The following ZNF93 variants were observed in gnomAD, a reference collection of about 807,000 sequenced individuals.
ZNF93 encodes zinc finger protein 505.
In ZNF93, 29 loss-of-function variants were observed where a neutral mutation model predicts 45.0. The observed-to-expected ratio is 0.64, with a 90% CI of 0.48 to 0.88. ZNF93 has a LOEUF of 0.88. Ranked by LOEUF, ZNF93 falls within the 40% of genes least tolerant of loss-of-function variation. The probability of loss-of-function intolerance (pLI) is 0.00; values close to 1 mark genes in which losing one functional copy is unlikely to be tolerated. For missense variants in ZNF93, 578 were observed against 724.0 expected (o/e 0.80, Z 2.31); for synonymous variants, 223 against 244.6 (o/e 0.91, Z 0.82).
intron 2 of ZNF93, 122 bp from the exon 3 acceptor site, chr19:19,916,437 TA>T (rs2122175819): frequency 1.3e-6 from 1 of 780,168 alleles, no homozygotes; most frequent in Non-Finnish European, 2.0e-6. Context: ...ATTTCTGTTA[TA>T]AATTTGTATT....
intron 1 of ZNF93, among the ~76,000 whole-genome samples, chr19:19,913,517 G>A (rs997891061): frequency 3.3e-5 from 5 of 152,130 alleles, no homozygotes; most frequent in Non-Finnish European, 7.3e-5. Flanking sequence ...GGTTTGGTAG[G>A]GACAGGTAAG....
chr19:19,903,007 G>A lies in ZNF93; in HGVS notation c.3+1916G>A, dbSNP rs191254741. ...ACCCGCCTCGGCCTCCCAAAGTGCT[G>A]GGATTACAGGCGTGAGCCACCGCGC... is the stretch of plus-strand genomic sequence containing the variant. On this transcript the variant is annotated intron_variant, in intron 1 of 3. Transcript: ENST00000343769. 2.6e-4 allele frequency among the ~76,000 whole-genome samples: 40 copies of A among 152,260 alleles called. 1 individual carries two copies. In the East Asian group the frequency reaches 4.8e-3, roughly 18 times the overall value.
At chr19:19,908,654 C>G (rs909882925) in intron 1 of ZNF93, 5 of 151,918 alleles carry the variant, frequency 3.3e-5, no homozygotes, top group African/African-American at 1.2e-4. Context: ...ACCAGCCTGA[C>G]CAACATGGAG....
rs1233504835 is a variant in ZNF93 at position 19,935,214 on chromosome 19, C to G, written c.*396C>G. ...AAAACATGCCCTAGTGTCTGCCGTA[C>G]AGAGTGAAGTCCTGAAGGATATTTA... On this transcript the variant is annotated 3_prime_UTR_variant, in exon 4 of 4. Coordinates refer to ENST00000343769, the MANE Select transcript of ZNF93 (RefSeq NM_031218.4). 6 of 191,958 alleles carry G rather than the reference C, an allele frequency of 3.1e-5. No homozygotes were observed. The East Asian group carries it at 5.6e-4, about 18-fold the overall frequency. 11.9% of individuals were successfully genotyped at this position (191,958 alleles called of 1,614,324 possible). A position where few individuals can be genotyped will look rare whatever the true frequency, so the allele number is the denominator to read the frequency against.
chr19:19,934,838 A>G lies in ZNF93; in HGVS notation c.*20A>G, dbSNP rs774628618. On this transcript the variant is annotated 3_prime_UTR_variant, in exon 4 of 4. Coordinates refer to ENST00000343769, the MANE Select transcript of ZNF93 (RefSeq NM_031218.4). Reference sequence around the variant, plus strand: ...CCCTAGAAGTGTGAAGAATGTGGCAAAGCCTTCAAGTGGTCCTCACACCTT... The same window carrying G: ...CCCTAGAAGTGTGAAGAATGTGGCAGAGCCTTCAAGTGGTCCTCACACCTT... 15 of 1,584,042 alleles carry G rather than the reference A, an allele frequency of 9.5e-6. No homozygotes were observed. The South Asian group carries it at 1.4e-4, about 15-fold the overall frequency.
Position 19,934,646 on chromosome 19 carries a change from C to T in ZNF93, c.1691C>T (p.Pro564Leu), listed in dbSNP as rs754715493. 3.7e-6 allele frequency: 6 copies of T among 1,613,712 alleles called. No individual in the cohort carries two copies. The South Asian group carries it at 6.6e-5, about 18-fold the overall frequency. Residue 564 changes from proline to leucine, a missense_variant, in exon 4 of 4, where the codon CCT (proline) becomes CTT (leucine). By Grantham distance (98) the Pro-to-Leu change is moderately conservative. Around this residue, in one of 3 missense-constraint regions of ZNF93, gnomAD observed 119 missense variants for 123.1 expected, o/e 0.97. Coordinates refer to ENST00000343769, the MANE Select transcript of ZNF93 (RefSeq NM_031218.4). ...AAGATACTTCATACTGGAGAGAAACCTTATAGATGTAGAGAATGTGGCAAA... is the reference window on the plus strand; with the variant it reads ...AAGATACTTCATACTGGAGAGAAACTTTATAGATGTAGAGAATGTGGCAAA... ...THKILHTGEK[P>L]YRCRECGKAF...
At chr19:19,925,572 A>G (rs2063353667) in intron 3 of ZNF93, among the ~76,000 whole-genome samples, 1 of 152,204 alleles carries the variant, frequency 6.6e-6, no homozygotes, top group African/African-American at 2.4e-5. Flanking sequence ...TTTGAGATTC[A>G]GATATTTAGG....
intron 3 of ZNF93, chr19:19,932,922 T>TA (rs1215412000): frequency 4.2e-6 from 1 of 238,520 alleles, no homozygotes; most frequent in African/African-American, 2.2e-5. Flanking sequence ...AATTGAGCAG[T>TA]AAAGACATCT....
At position 19,935,004 on chromosome 19, in the gene ZNF93, C is replaced by T; in HGVS notation, c.*186C>T. ...ATGTAGGCAGGCCTGCAGACCTTGG[C>T]CTTTACTACGGTACCTGAAGTGGTT... On this transcript the variant is annotated 3_prime_UTR_variant, in exon 4 of 4. Transcript: ENST00000343769. 1.6e-6 allele frequency: 1 copy of T among 616,674 alleles called. No homozygotes were observed. The highest frequency in any genetic ancestry group is 2.7e-6 in the Non-Finnish European group (1 of 368,528). The allele number at this position is 616,674 out of a possible 1,614,324, so 38.2% of individuals were successfully genotyped here.
intron 1 of ZNF93, among the ~76,000 whole-genome samples, chr19:19,904,617 G>T (rs1353415965): frequency 1.3e-5 from 2 of 152,152 alleles, no homozygotes; most frequent in African/African-American, 4.8e-5. Context: ...AGTTGGTGTT[G>T]GAGAATTGTT....
intron 3 of ZNF93, among the ~76,000 whole-genome samples, chr19:19,929,720 C>T (rs892886402): frequency 2.0e-5 from 3 of 151,644 alleles, no homozygotes; most frequent in Non-Finnish European, 4.4e-5. Flanking sequence ...GGGCGGATCA[C>T]GAGGTCAGGA....
intron 1 of ZNF93, among the ~76,000 whole-genome samples, chr19:19,913,057 T>C (rs2335367): frequency 0.96 from 146,441 of 152,342 alleles, 70,414 homozygotes; most frequent in East Asian, 1. Context: ...GGCAAGAGTG[T>C]TAAGTGTAAG....
intron 3 of ZNF93, among the ~76,000 whole-genome samples, chr19:19,918,851 A>G (rs1390758842): frequency 2.0e-5 from 3 of 151,536 alleles, no homozygotes; most frequent in Admixed American, 2.0e-4. Context: ...TCTGGATATT[A>G]GCCCTTTGTC....
chr19:19,901,705 T>C (rs2063272137), intron 1 of ZNF93, among the ~76,000 whole-genome samples: 1 of 152,132 alleles, frequency 6.6e-6, no homozygotes, highest in Non-Finnish European at 1.5e-5. Flanking sequence ...TGGAAAAAGT[T>C]TGTGTCTAGC....
intron 3 of ZNF93, among the ~76,000 whole-genome samples, chr19:19,928,190 A>G (rs1321454827): frequency 3.3e-5 from 5 of 152,222 alleles, no homozygotes; most frequent in Non-Finnish European, 7.3e-5. Flanking sequence ...CAGTTCTTGA[A>G]GAGATTATTT....
At chr19:19,918,048 C>T (rs540259506) in intron 3 of ZNF93, among the ~76,000 whole-genome samples, 1 of 151,470 alleles carries the variant, frequency 6.6e-6, no homozygotes, top group African/African-American at 2.4e-5. Flanking sequence ...TGTGCTGCAC[C>T]CATTAAGTCG....
intron 3 of ZNF93, among the ~76,000 whole-genome samples, chr19:19,923,848 T>C (rs972000048): frequency 6.6e-6 from 1 of 152,228 alleles, no homozygotes; most frequent in African/African-American, 2.4e-5. Context: ...GAGAATTCCC[T>C]GATCCCTTGC....
At chr19:19,925,713 T>C (rs2063353954) in intron 3 of ZNF93, among the ~76,000 whole-genome samples, 2 of 152,078 alleles carry the variant, frequency 1.3e-5, no homozygotes, top group Admixed American at 1.3e-4. Flanking sequence ...GATTTTCATC[T>C]ACTTACTTTA....
At chr19:19,931,382 G>A (rs2122196609) in intron 3 of ZNF93, among the ~76,000 whole-genome samples, 1 of 152,166 alleles carries the variant, frequency 6.6e-6, no homozygotes, top group Admixed American at 6.5e-5. Context: ...GTAGAGACGG[G>A]ATTTCACTAT....
Sources: gnomAD v4.1 joint callset for allele counts (sites outside exome capture counted in the v4.1 genomes callset) on GRCh38, gnomAD v4.1.1 for gene constraint, gnomAD v4.1.1 regional missense constraint, MANE v1.5 for transcripts, NCBI Gene and HGNC (gene_info 2026-07-23, HGNC 2026-07-21) for gene names.